The following TGFBR3 variants were observed in gnomAD, a reference collection of about 807,000 sequenced individuals.
The protein encoded by TGFBR3 is transforming growth factor beta receptor type 3.
Under a neutral mutation model 87.9 loss-of-function variants are expected in TGFBR3, and 46 were observed. That is an observed-to-expected ratio of 0.52 (90% CI 0.41 to 0.67). The LOEUF is 0.67. Among genes scored for constraint, TGFBR3 ranks in the 30% least tolerant of loss-of-function variants. TGFBR3 has a pLI of 0.00. For synonymous variants in TGFBR3, 381 were observed against 391.6 expected, an observed-to-expected ratio of 0.97 and a Z score of 0.32; for missense variants, 866 against 1,041.9, an observed-to-expected ratio of 0.83 and a Z score of 2.32.
chr1:91,794,763 T>C (rs1211092832), intron 3 of TGFBR3, among the ~76,000 whole-genome samples: 2 of 152,222 alleles, frequency 1.3e-5, no homozygotes, highest in African/African-American at 4.8e-5. Flanking sequence ...TGTATGGATA[T>C]ACCATATTTT....
chr1:91,797,872 G>T (rs11466567), intron 2 of TGFBR3, among the ~76,000 whole-genome samples: 29,648 of 152,148 alleles, frequency 0.19, 3,825 homozygotes, highest in Middle Eastern at 0.3. Flanking sequence ...AAAAGTATAA[G>T]ATACAGATCC....
At chr1:91,857,144 A>G (rs1482894264) in intron 2 of TGFBR3, among the ~76,000 whole-genome samples, 1 of 152,224 alleles carries the variant, frequency 6.6e-6, no homozygotes, top group Non-Finnish European at 1.5e-5. Context: ...CCACATACTC[A>G]GCCTCACTGT....
intron 2 of TGFBR3, among the ~76,000 whole-genome samples, chr1:91,820,415 G>A (rs1484421137): frequency 6.6e-6 from 1 of 152,150 alleles, no homozygotes; most frequent in Non-Finnish European, 1.5e-5. Flanking sequence ...CGGGCACGGT[G>A]GCTCACACCT....
At position 91,683,713 on chromosome 1, in the gene TGFBR3, G is replaced by GA. The variant is rs1427302997; in HGVS notation, c.*25_*26insT. 1.3e-6 allele frequency: 2 copies of GA among 1,512,786 alleles called. No homozygotes were observed. The highest frequency in any genetic ancestry group is 2.4e-5 in the South Asian group (2 of 83,306). The allele number at this position is 1,512,786 out of a possible 1,614,324, so 93.7% of individuals were successfully genotyped here. A position where few individuals can be genotyped will look rare whatever the true frequency, so the allele number is the denominator to read the frequency against. On this transcript the variant is annotated 3_prime_UTR_variant, in exon 17 of 17. Transcript: ENST00000212355. ...GCTGAGCTGAGCTGGGCTGGGCTGG[G>GA]TTGGGCCGGGTTGGGCTGGGTTGGG...
chr1:91,833,618 T>TA (rs531646944), intron 2 of TGFBR3, among the ~76,000 whole-genome samples: 22 of 144,732 alleles, frequency 1.5e-4, no homozygotes, highest in African/African-American at 3.3e-4. Context: ...AAATAAAAAT[T>TA]AAAAAAAAAA....
At chr1:91,704,828 T>A (rs1671741509) in intron 14 of TGFBR3, among the ~76,000 whole-genome samples, 1 of 152,060 alleles carries the variant, frequency 6.6e-6, no homozygotes, top group Admixed American at 6.6e-5. Context: ...AGAGGAGGAA[T>A]CCAGAAACAT....
At chr1:91,755,337 C>T (rs968327865) in intron 4 of TGFBR3, among the ~76,000 whole-genome samples, 1 of 151,996 alleles carries the variant, frequency 6.6e-6, no homozygotes, top group African/African-American at 2.4e-5. Context: ...AGGAGAGTGG[C>T]CCAGCTTGTG....
intron 2 of TGFBR3, among the ~76,000 whole-genome samples, chr1:91,859,183 G>A (rs1678080584): frequency 6.6e-6 from 1 of 152,028 alleles, no homozygotes; most frequent in South Asian, 2.1e-4. Flanking sequence ...AATAGGAAAG[G>A]AAGATCTGAA....
intron 1 of TGFBR3, among the ~76,000 whole-genome samples, chr1:91,901,907 A>G (rs1291375842): frequency 6.6e-6 from 1 of 150,826 alleles, no homozygotes; most frequent in South Asian, 2.1e-4. Context: ...CAGAGCAACA[A>G]AGCAAGGCCC....
In TGFBR3 at chr1:91,694,617, T is replaced by C. The variant is rs139552008; in HGVS notation, c.2437+1055A>G. Among the ~76,000 whole-genome samples, 258 of 152,340 alleles carry C rather than the reference T, an allele frequency of 1.7e-3. 7 individuals are homozygous for C. In the East Asian group the frequency reaches 0.038, roughly 23 times the overall value. ...AAGATATGACTCTCCAAAATATCCTTCAGTACTTCCTTCCTCTTTAAATCA... is the reference window on the plus strand; with the variant it reads ...AAGATATGACTCTCCAAAATATCCTCCAGTACTTCCTTCCTCTTTAAATCA... On this transcript the variant is annotated intron_variant, in intron 16 of 16. Transcript: ENST00000212355.
chr1:91,899,571 C>T (rs1679644843), intron 2 of TGFBR3: 1 of 152,022 alleles, frequency 6.6e-6, no homozygotes, highest in South Asian at 2.1e-4. Flanking sequence ...TTCCACTTTT[C>T]AGGCTCAAAA....
intron 3 of TGFBR3, among the ~76,000 whole-genome samples, chr1:91,791,195 T>G (rs915796893): frequency 8.5e-5 from 13 of 152,052 alleles, no homozygotes; most frequent in Non-Finnish European, 1.8e-4. Flanking sequence ...TAAAACAAGT[T>G]TGGATACAAG....
At chr1:91,852,980 C>G (rs1198785717) in intron 2 of TGFBR3, among the ~76,000 whole-genome samples, 1 of 150,082 alleles carries the variant, frequency 6.7e-6, no homozygotes, top group African/African-American at 2.5e-5. Context: ...CATGGCGGAA[C>G]CCCATCTCTA....
intron 12 of TGFBR3, 47 bp from the exon 13 acceptor site, chr1:91,712,589 C>G (rs1395006022): frequency 5.0e-6 from 8 of 1,595,712 alleles, no homozygotes; most frequent in Non-Finnish European, 6.9e-6. Context: ...TAGCATCTCA[C>G]TTTCACTTTA....
chr1:91,714,425 T>G (rs755242711), intron 12 of TGFBR3, among the ~76,000 whole-genome samples: 1 of 152,052 alleles, frequency 6.6e-6, no homozygotes, highest in Non-Finnish European at 1.5e-5. Flanking sequence ...AGATGACCAA[T>G]GAACAGGTGG....
chr1:91,755,310 A>G (rs1460263512), intron 4 of TGFBR3, among the ~76,000 whole-genome samples: 1 of 152,160 alleles, frequency 6.6e-6, no homozygotes, highest in African/African-American at 2.4e-5. Flanking sequence ...ACAGAGAGGA[A>G]GGGAAAAGCC....
chr1:91,761,207 C>G (rs529405448), intron 3 of TGFBR3, among the ~76,000 whole-genome samples: 2 of 152,214 alleles, frequency 1.3e-5, no homozygotes, highest in African/African-American at 4.8e-5. Context: ...TTCAAATGAA[C>G]AAGAATTTTT....
intron 5 of TGFBR3, among the ~76,000 whole-genome samples, chr1:91,732,027 A>G (rs1672793455): frequency 6.6e-6 from 1 of 152,172 alleles, no homozygotes. Context: ...GGAAACCACA[A>G]AGGGGAATTC....
intron 3 of TGFBR3, among the ~76,000 whole-genome samples, chr1:91,759,138 C>A (rs2100896606): frequency 6.6e-6 from 1 of 152,188 alleles, no homozygotes; most frequent in African/African-American, 2.4e-5. Context: ...AAACAAAATC[C>A]CCTTGGGGTG....
Sources: gnomAD v4.1 joint callset for allele counts (sites outside exome capture counted in the v4.1 genomes callset) on GRCh38, gnomAD v4.1.1 for gene constraint, MANE v1.5 for transcripts, NCBI Gene and HGNC (gene_info 2026-07-23, HGNC 2026-07-21) for gene names.